The following LRRTM4 variants were observed in gnomAD, a reference collection of about 807,000 sequenced individuals.
LRRTM4 encodes leucine-rich repeat transmembrane neuronal protein 4.
A neutral mutation model predicts 47.6 loss-of-function variants in LRRTM4; 25 were observed. The ratio of observed to expected loss-of-function variants is 0.53; its 90% CI spans 0.38 to 0.73. The LOEUF is 0.73. Ranked by LOEUF, LRRTM4 falls within the 30% of genes least tolerant of loss-of-function variation. The pLI, the probability that LRRTM4 is intolerant of heterozygous loss-of-function variation, is 0.00. For synonymous variants in LRRTM4, 311 were observed against 269.5 expected, an observed-to-expected ratio of 1.15 and a Z score of -1.51; for missense variants, 638 against 713.4, an observed-to-expected ratio of 0.89 and a Z score of 1.20.
rs201525166 is a variant in LRRTM4, at chr2:76,816,819, GTTTTTTTTTTTTTTTTTT to G, written c.1552-67921_1552-67904del. Among the ~76,000 whole-genome samples the G allele has an allele frequency of 2.4e-3, 228 of 96,522 alleles. 2 individuals carry two copies. The highest frequency in any genetic ancestry group is 5.0e-3 in the African/African-American group (159 of 31,486). The allele number at this position is 96,522 out of a possible 152,430, so 63.3% of individuals were successfully genotyped here. On this transcript the variant is annotated intron_variant, in intron 3 of 3. Transcript: ENST00000409884. ...CACTGCTTTTACTTAGAGGTAAAGA[GTTTTTTTTTTTTTTTTTT>G]TTTTTTTTTTTTTTTTTTTTTTTTT...
chr2:76,770,972 G>A (rs1042775434), intron 3 of LRRTM4, among the ~76,000 whole-genome samples: 6 of 152,098 alleles, frequency 3.9e-5, no homozygotes, highest in Admixed American at 6.6e-5. Context: ...TTATACAATC[G>A]TTAGAAAAGA....
intron 3 of LRRTM4, among the ~76,000 whole-genome samples, chr2:76,873,182 A>T (rs1035192642): frequency 6.6e-6 from 1 of 152,078 alleles, no homozygotes; most frequent in African/African-American, 2.4e-5. Context: ...GACAGTGCTG[A>T]TGTTGACAAT....
chr2:77,000,063 A>G (rs1677358687), intron 3 of LRRTM4, among the ~76,000 whole-genome samples: 1 of 152,154 alleles, frequency 6.6e-6, no homozygotes, highest in South Asian at 2.1e-4. Context: ...AATATCACCT[A>G]AGTGAATTTT....
At chr2:77,243,832 C>T in intron 3 of LRRTM4, among the ~76,000 whole-genome samples, 1 of 141,140 alleles carries the variant, frequency 7.1e-6, no homozygotes, top group East Asian at 2.0e-4. Context: ...AGGTTAGTTA[C>T]ATATGTATAC....
At chr2:77,067,707 AC>A (rs1680005434) in intron 3 of LRRTM4, among the ~76,000 whole-genome samples, 1 of 151,648 alleles carries the variant, frequency 6.6e-6, no homozygotes, top group Non-Finnish European at 1.5e-5. Flanking sequence ...ACACACACAC[AC>A]ACACACACAT....
At chr2:77,303,756 G>C (rs985516255) in intron 3 of LRRTM4, among the ~76,000 whole-genome samples, 3 of 152,150 alleles carry the variant, frequency 2.0e-5, no homozygotes, top group African/African-American at 7.2e-5. Flanking sequence ...ATGTTCTCCA[G>C]ATTCACTCAT....
At chr2:77,110,301 C>G (rs1176939915) in intron 3 of LRRTM4, among the ~76,000 whole-genome samples, 1 of 152,042 alleles carries the variant, frequency 6.6e-6, no homozygotes, top group Non-Finnish European at 1.5e-5. Context: ...TTCAGCAAAA[C>G]CACTGTATAA....
At chr2:76,856,446 A>G (rs1263535459) in intron 3 of LRRTM4, among the ~76,000 whole-genome samples, 1 of 152,220 alleles carries the variant, frequency 6.6e-6, no homozygotes, top group Non-Finnish European at 1.5e-5. Flanking sequence ...CAAACCATGT[A>G]CTGCTAAGGA....
rs79631258 is a variant in LRRTM4 at position 77,161,031 on chromosome 2, C to T, written c.1551+357287G>A. On this transcript the variant is annotated intron_variant, in intron 3 of 3. Coordinates refer to ENST00000409884, the MANE Select transcript of LRRTM4 (RefSeq NM_001134745.3). The stretch of plus-strand genomic sequence containing the variant: ...AATGATCCTTAGATCATGCAGACCC[C>T]CTCGATGACTTCCAGAAGTTAGATG... Among the ~76,000 whole-genome samples the T allele has an allele frequency of 1.5e-3, 222 of 152,194 alleles. 1 individual carries two copies. The highest frequency in any genetic ancestry group is 5.1e-3 in the African/African-American group (213 of 41,532).
intron 3 of LRRTM4, among the ~76,000 whole-genome samples, chr2:77,035,201 A>G (rs552561856): frequency 6.6e-6 from 1 of 151,614 alleles, no homozygotes; most frequent in Admixed American, 6.6e-5. Flanking sequence ...TCCTAATGCT[A>G]TCCCTCCCCT....
intron 3 of LRRTM4, among the ~76,000 whole-genome samples, chr2:77,508,742 C>G (rs973220976): frequency 6.6e-6 from 1 of 152,002 alleles, no homozygotes; most frequent in Non-Finnish European, 1.5e-5. Context: ...AATATAAGAG[C>G]TTATACTTAA....
intron 3 of LRRTM4, among the ~76,000 whole-genome samples, chr2:77,069,842 G>T (rs6722541): frequency 3.9e-5 from 6 of 152,038 alleles, no homozygotes; most frequent in Non-Finnish European, 7.4e-5. Flanking sequence ...TATCATTTTC[G>T]CATTTTAGTT....
intron 3 of LRRTM4, among the ~76,000 whole-genome samples, chr2:76,863,663 C>T (rs962766154): frequency 3.3e-5 from 5 of 151,978 alleles, no homozygotes; most frequent in African/African-American, 4.8e-5. Context: ...AAGCTAAGTG[C>T]GGAGTTTTTC....
intron 3 of LRRTM4, among the ~76,000 whole-genome samples, chr2:77,149,369 T>C (rs1245537670): frequency 3.3e-5 from 5 of 152,112 alleles, no homozygotes; most frequent in Admixed American, 2.0e-4. Flanking sequence ...CACATGTGGC[T>C]CATATTTATG....
At chr2:77,193,076 T>C (rs1426917566) in intron 3 of LRRTM4, among the ~76,000 whole-genome samples, 1 of 152,212 alleles carries the variant, frequency 6.6e-6, no homozygotes, top group Non-Finnish European at 1.5e-5. Flanking sequence ...GACATAGCCA[T>C]TGTGCCTTTG....
At chr2:77,178,424 G>GA (rs1673257939) in intron 3 of LRRTM4, among the ~76,000 whole-genome samples, 2 of 151,756 alleles carry the variant, frequency 1.3e-5, no homozygotes, top group African/African-American at 4.8e-5. Context: ...CGTCTCTACC[G>GA]AAAAAACAAA....
chr2:77,365,380 T>G (rs1672402483), intron 3 of LRRTM4, among the ~76,000 whole-genome samples: 1 of 152,000 alleles, frequency 6.6e-6, no homozygotes. Flanking sequence ...ATTTTTTAAT[T>G]ACATAAAATA....
At chr2:76,891,444 T>G (rs959547125) in intron 3 of LRRTM4, among the ~76,000 whole-genome samples, 7 of 151,576 alleles carry the variant, frequency 4.6e-5, no homozygotes, top group Middle Eastern at 3.4e-3. Flanking sequence ...ATTGAGAAAA[T>G]TTTCACAGAA....
chr2:77,413,640 G>T (rs2103864949), intron 3 of LRRTM4, among the ~76,000 whole-genome samples: 1 of 152,254 alleles, frequency 6.6e-6, no homozygotes, highest in Non-Finnish European at 1.5e-5. Flanking sequence ...ATGGGAAGCT[G>T]TTGCCAGAAG....
Sources: allele counts gnomAD v4.1 joint callset (sites outside exome capture counted in the v4.1 genomes callset), GRCh38; gene constraint gnomAD v4.1.1; transcripts MANE v1.5; gene names NCBI Gene and HGNC (gene_info 2026-07-23, HGNC 2026-07-21).